Variants in PCLO observed in about 807,000 individuals in gnomAD.
PCLO encodes piccolo presynaptic cytomatrix protein, also known as protein piccolo.
Under a neutral mutation model 427.5 loss-of-function variants are expected in PCLO, and 82 were observed. The ratio of observed to expected loss-of-function variants is 0.19; its 90% confidence interval spans 0.16 to 0.23. PCLO has a LOEUF of 0.23. Among genes scored for constraint, PCLO ranks in the 10% least tolerant of loss-of-function variants. The pLI is 1.00. For synonymous variants in PCLO, 2,357 were observed against 2,155.4 expected (o/e 1.09, Z -2.59); for missense variants, 6,239 against 6,115.9 (o/e 1.02, Z -0.67).
intron 2 of PCLO, among the ~76,000 whole-genome samples, chr7:83,143,305 A>G (rs973111129): frequency 6.6e-6 from 1 of 152,196 alleles, no homozygotes; most frequent in Non-Finnish European, 1.5e-5. Flanking sequence ...ACTGTAGTTG[A>G]CATCTTTAGC....
At chr7:83,024,046 T>C (rs1197660392) in intron 3 of PCLO, among the ~76,000 whole-genome samples, 1 of 152,198 alleles carries the variant, frequency 6.6e-6, no homozygotes, top group Admixed American at 6.5e-5. Flanking sequence ...CCAGTCACCA[T>C]GCTAGGTGCT....
chr7:83,090,445 T>C (rs1182764495), intron 3 of PCLO, among the ~76,000 whole-genome samples: 1 of 152,188 alleles, frequency 6.6e-6, no homozygotes, highest in East Asian at 1.9e-4. Context: ...TCCAAAAAGT[T>C]TTCAACCAAC....
chr7:83,100,390 G>C (rs561471190), intron 3 of PCLO, among the ~76,000 whole-genome samples: 27 of 152,232 alleles, frequency 1.8e-4, no homozygotes, highest in African/African-American at 6.5e-4. Flanking sequence ...ACAATAGCAA[G>C]ACATGGAATC....
Position 83,135,183 on chromosome 7 carries a change from C to T in PCLO, c.2367G>A (p.Glu789=). 6.2e-7 allele frequency: 1 copy of T among 1,613,868 alleles called. No individual in the cohort carries two copies. The highest frequency in any genetic ancestry group is 1.3e-5 in the African/African-American group (1 of 75,016). ...CTGTTTTTAGAGGAGGGGTTGTTTT[C>T]TCTTCAGCTTGTGACTGTACTTTGG... is the stretch of plus-strand genomic sequence containing the variant. ...PSSKVQSQAE[E]KTTPPLKTDS... is the part of the protein sequence containing the mutation. The change falls in exon 3 of 25, where the codon GAG becomes GAA. Residue 789 remains glutamate (E), a synonymous_variant. Transcript: ENST00000333891.
Position 83,038,049 on chromosome 7 carries a change from ATC to A in PCLO, c.3301-71564_3301-71563del, listed in dbSNP as rs1381137615. Among the ~76,000 whole-genome samples, 58 of 40,036 alleles carry A rather than the reference ATC, an allele frequency of 1.4e-3. 3 individuals carry two copies. The highest frequency in any genetic ancestry group is 0.011 in the African/African-American group (54 of 5,096). 26.3% of individuals were successfully genotyped at this position (40,036 alleles called of 152,430 possible). ...TATATATTTATATATTTATATATAT[ATC>A]TTTATATATATATTTATATATTTAT... On this transcript the variant is annotated intron_variant, in intron 3 of 24. Coordinates refer to ENST00000333891, the MANE Select transcript of PCLO (RefSeq NM_033026.6).
intron 8 of PCLO, among the ~76,000 whole-genome samples, chr7:82,903,373 T>C (rs1345675349): frequency 6.6e-6 from 1 of 151,982 alleles, no homozygotes; most frequent in Non-Finnish European, 1.5e-5. Flanking sequence ...AAAGCTTGCA[T>C]TATTGATAGT....
chr7:82,948,864 A>C (rs1158625915), intron 6 of PCLO, among the ~76,000 whole-genome samples: 1 of 152,224 alleles, frequency 6.6e-6, no homozygotes, highest in African/African-American at 2.4e-5. Flanking sequence ...CAGAAATAAA[A>C]TAAGCATGGA....
intron 22 of PCLO, among the ~76,000 whole-genome samples, chr7:82,777,037 G>T (rs1790769220): frequency 6.6e-6 from 1 of 151,878 alleles, no homozygotes; most frequent in African/African-American, 2.4e-5. Context: ...GATGTTTAGT[G>T]CTATAAATTT....
intron 3 of PCLO, among the ~76,000 whole-genome samples, chr7:83,062,991 G>C (rs956491823): frequency 2.6e-5 from 4 of 151,888 alleles, no homozygotes; most frequent in African/African-American, 9.7e-5. Context: ...TCCTAATGGA[G>C]GCTTATATTT....
chr7:82,894,015 A>T (rs1793841156), intron 9 of PCLO, among the ~76,000 whole-genome samples: 1 of 151,536 alleles, frequency 6.6e-6, no homozygotes, highest in South Asian at 2.1e-4. Flanking sequence ...TTAAAAAAAT[A>T]TTTAAGTATA....
At position 82,835,219 on chromosome 7, in the gene PCLO, C is replaced by T. The variant is rs1378418634; in HGVS notation, c.14249+448G>A. Among the ~76,000 whole-genome samples, 9 of 152,220 alleles carry T rather than the reference C, an allele frequency of 5.9e-5. No homozygotes were observed. The East Asian group carries it at 1.7e-3, about 29-fold the overall frequency. ...TCGGCCTCCCAAAGTCCTGGGATTA[C>T]AGGCGTGAGCCACCGTGCCTGATGG... On this transcript the variant is annotated intron_variant, in intron 16 of 24. Transcript: ENST00000333891.
intron 4 of PCLO, among the ~76,000 whole-genome samples, chr7:82,962,883 A>G (rs1177174161): frequency 2.0e-5 from 3 of 151,922 alleles, no homozygotes; most frequent in Admixed American, 6.6e-5. Flanking sequence ...TTTGAAGAAT[A>G]TTTATTTTGT....
chr7:83,049,948 G>T (rs1299211637), intron 3 of PCLO, among the ~76,000 whole-genome samples: 1 of 151,282 alleles, frequency 6.6e-6, no homozygotes, highest in African/African-American at 2.4e-5. Flanking sequence ...AAAAATTCTA[G>T]TCCCCATTCT....
intron 6 of PCLO, among the ~76,000 whole-genome samples, chr7:82,925,201 G>T (rs985832242): frequency 6.6e-6 from 1 of 152,102 alleles, no homozygotes; most frequent in African/African-American, 2.4e-5. Flanking sequence ...CATCTAAAAA[G>T]AGCTATTTAT....
At chr7:83,044,199 C>T (rs34847841) in intron 3 of PCLO, among the ~76,000 whole-genome samples, 22,568 of 151,864 alleles carry the variant, frequency 0.15, 1,798 homozygotes, top group African/African-American at 0.18. Context: ...ATTCCCTCAC[C>T]ATCACAAGAA....
At chr7:82,841,872 G>T (rs1792376246) in intron 13 of PCLO, among the ~76,000 whole-genome samples, 1 of 152,172 alleles carries the variant, frequency 6.6e-6, no homozygotes, top group Non-Finnish European at 1.5e-5. Context: ...ACAAATAAAA[G>T]ATTGGTTTAA....
intron 1 of PCLO, among the ~76,000 whole-genome samples, chr7:83,158,591 A>G (rs1792356960): frequency 6.6e-6 from 1 of 151,966 alleles, no homozygotes; most frequent in South Asian, 2.1e-4. Context: ...TATTTTAATC[A>G]TTGTTTTAAT....
At position 82,812,607 on chromosome 7, in the gene PCLO, G is replaced by A. The variant is rs375319215; in HGVS notation, c.14792-6778C>T. Among the ~76,000 whole-genome samples, 34 of 151,490 alleles carry A rather than the reference G, an allele frequency of 2.2e-4. 1 individual carries two copies. The highest frequency in any genetic ancestry group is 7.7e-4 in the African/African-American group (32 of 41,466). Reference sequence around the variant, plus strand: ...ATTTTGTCTTTAATAAATTCAGGCCGTAATTCCAGCTATGTTCGAATAAAT... The same window carrying A: ...ATTTTGTCTTTAATAAATTCAGGCCATAATTCCAGCTATGTTCGAATAAAT... On this transcript the variant is annotated intron_variant, in intron 20 of 24. Coordinates refer to ENST00000333891, the MANE Select transcript of PCLO (RefSeq NM_033026.6).
chr7:83,106,403 A>G (rs561558734), intron 3 of PCLO, among the ~76,000 whole-genome samples: 246 of 152,310 alleles, frequency 1.6e-3, no homozygotes, highest in Non-Finnish European at 9.7e-4. Flanking sequence ...AGGCTTGCCC[A>G]CCTTCAATGA....
Sources: allele counts gnomAD v4.1 joint callset (sites outside exome capture counted in the v4.1 genomes callset), GRCh38; gene constraint gnomAD v4.1.1; transcripts MANE v1.5; gene names NCBI Gene and HGNC (gene_info 2026-07-23, HGNC 2026-07-21).